DYNLRB1: variants seen among roughly 807,000 people sequenced by gnomAD.
The protein encoded by DYNLRB1 is ROBL/LC7-like 1.
In DYNLRB1, 6 loss-of-function variants were observed where a neutral mutation model predicts 13.5. The ratio of observed to expected loss-of-function variants is 0.44; its 90% CI spans 0.24 to 0.88. The LOEUF is 0.88. Ranked by LOEUF, DYNLRB1 falls within the 40% of genes least tolerant of loss-of-function variation. The pLI, the probability that DYNLRB1 is intolerant of heterozygous loss-of-function variation, is 0.21. For missense variants in DYNLRB1, 93 were observed against 127.2 expected, an observed-to-expected ratio of 0.73 and a Z score of 1.29; for synonymous variants, 43 against 45.0, an observed-to-expected ratio of 0.96 and a Z score of 0.18.
intron 1 of DYNLRB1, among the ~76,000 whole-genome samples, chr20:34,519,649 G>A (rs767521240): frequency 6.6e-6 from 1 of 151,970 alleles, no homozygotes; most frequent in Admixed American, 6.6e-5. Context: ...GGTCTGTATC[G>A]TATCCTAGTC....
At chr20:34,520,164 T>C (rs375782079) in intron 1 of DYNLRB1, among the ~76,000 whole-genome samples, 3 of 152,108 alleles carry the variant, frequency 2.0e-5, no homozygotes, top group African/African-American at 7.2e-5. Context: ...TAATCACATA[T>C]AATTCTCCTC....
At position 34,540,669 on chromosome 20, in the gene DYNLRB1, C is replaced by T; in HGVS notation, c.*45C>T. The stretch of plus-strand genomic sequence containing the variant: ...GTGTCATTCCTTAATTTAATGCCCC[C>T]CAAGAATGTTAATGTCAATCATGTC... On this transcript the variant is annotated 3_prime_UTR_variant, in exon 4 of 4. Transcript: ENST00000357156. 2 of 1,591,248 alleles carry T rather than the reference C, an allele frequency of 1.3e-6. No individual in the cohort carries two copies. Among genetic ancestry groups the T allele is most frequent in the Non-Finnish European group, 1.7e-6 (2 of 1,160,848 alleles).
chr20:34,534,133 A>G (rs550884759), intron 2 of DYNLRB1, among the ~76,000 whole-genome samples: 30 of 152,378 alleles, frequency 2.0e-4, no homozygotes, highest in Non-Finnish European at 3.1e-4. Flanking sequence ...CCGTCTCAAA[A>G]AAAAGAAATT....
At chr20:34,522,469 C>CTTTTTTTTTTTTTTTTTT (rs771811577) in intron 1 of DYNLRB1, among the ~76,000 whole-genome samples, 60 of 77,202 alleles carry the variant, frequency 7.8e-4, no homozygotes, top group African/African-American at 1.4e-3. Flanking sequence ...TTTTCTTTTT[C>CTTTTTTTTTTTTTTTTTT]TTTTTTTTTT....
Position 34,540,487 on chromosome 20 carries a change from T to G in DYNLRB1, c.248-94T>G, listed in dbSNP as rs191798389. On this transcript the variant is annotated intron_variant, in intron 3 of 3. Coordinates refer to ENST00000357156, the MANE Select transcript of DYNLRB1 (RefSeq NM_014183.4). ...TTTGTTGCTTTCTCCCCTTCCTCATTTTATGGTTAGTGATTTAATGGTTTA... is the reference window on the plus strand; with the variant it reads ...TTTGTTGCTTTCTCCCCTTCCTCATGTTATGGTTAGTGATTTAATGGTTTA... 2.2e-3 allele frequency: 2,697 copies of G among 1,207,562 alleles called. 6 individuals carry two copies. The highest frequency in any genetic ancestry group is 2.8e-3 in the Non-Finnish European group (2,414 of 848,734). 74.8% of individuals were successfully genotyped at this position (1,207,562 alleles called of 1,614,324 possible).
rs1980834932 is a variant in DYNLRB1 at position 34,533,056 on chromosome 20, T to C, written c.80-1572T>C. ...CCATGGATGGAGTCTTCTGCTCATA[T>C]GTCACAGGCAATTCACAGGCACCTG... On this transcript the variant is annotated intron_variant, in intron 2 of 3. Transcript: ENST00000357156. Among the ~76,000 whole-genome samples the C allele has an allele frequency of 2.6e-5, 4 of 152,330 alleles. No homozygotes were observed. The South Asian group carries it at 8.3e-4, about 32-fold the overall frequency.
At chr20:34,529,231 C>A (rs1271250943) in intron 2 of DYNLRB1, among the ~76,000 whole-genome samples, 1 of 152,224 alleles carries the variant, frequency 6.6e-6, no homozygotes, top group African/African-American at 2.4e-5. Context: ...AGAGGTCAGG[C>A]CATGCCCGGT....
At chr20:34,524,491 C>T (rs568973974) in intron 1 of DYNLRB1, among the ~76,000 whole-genome samples, 5 of 152,278 alleles carry the variant, frequency 3.3e-5, no homozygotes, top group African/African-American at 7.2e-5. Context: ...TCCAGGAGGG[C>T]GAGCAGGGTA....
intron 1 of DYNLRB1, among the ~76,000 whole-genome samples, chr20:34,524,683 C>G (rs1035196032): frequency 1.3e-5 from 2 of 152,114 alleles, no homozygotes; most frequent in Admixed American, 6.5e-5. Context: ...GTCATTGTAC[C>G]CAGGCTCCAG....
At chr20:34,529,475 T>C (rs981442466) in intron 2 of DYNLRB1, among the ~76,000 whole-genome samples, 3 of 152,182 alleles carry the variant, frequency 2.0e-5, no homozygotes, top group African/African-American at 7.2e-5. Context: ...ACGCCTGTAA[T>C]CTCAGCCCTT....
intron 1 of DYNLRB1, among the ~76,000 whole-genome samples, chr20:34,519,408 C>CATATACATATG (rs1979530141): frequency 6.6e-6 from 1 of 152,038 alleles, no homozygotes; most frequent in Non-Finnish European, 1.5e-5. Flanking sequence ...TATATGTTAA[C>CATATACATATG]TTTACTTTAA....
chr20:34,536,552 C>G lies in DYNLRB1; in HGVS notation c.247+1757C>G, dbSNP rs1283690259. 3.5e-6 allele frequency: 3 copies of G among 861,090 alleles called. No homozygotes were observed. In the Admixed American group the frequency reaches 1.9e-4, roughly 53 times the overall value. 53.3% of individuals were successfully genotyped at this position (861,090 alleles called of 1,614,324 possible). On this transcript the variant is annotated intron_variant, in intron 3 of 3. Coordinates refer to ENST00000357156, the MANE Select transcript of DYNLRB1 (RefSeq NM_014183.4). ...ACAAGGTCAGGAGTTCAAGACCAGC[C>G]TGACCAACATGGTGAAACCCCGTCT...
intron 3 of DYNLRB1, among the ~76,000 whole-genome samples, chr20:34,538,134 T>TC (rs1981313878): frequency 6.9e-6 from 1 of 145,194 alleles, no homozygotes; most frequent in African/African-American, 2.5e-5. Context: ...ATTTTTTTTT[T>TC]TTTTTTTTTT....
chr20:34,531,300 T>A (rs1034690283), intron 2 of DYNLRB1: 10 of 152,220 alleles, frequency 6.6e-5, no homozygotes, highest in Non-Finnish European at 1.5e-4. Context: ...AGCCCCAAGT[T>A]AGAAATCGTG....
intron 2 of DYNLRB1, among the ~76,000 whole-genome samples, chr20:34,532,229 A>G (rs1391582518): frequency 6.6e-6 from 1 of 152,232 alleles, no homozygotes; most frequent in African/African-American, 2.4e-5. Flanking sequence ...CTCTTGCTAA[A>G]CATTCTTAAA....
intron 3 of DYNLRB1, 29 bp downstream of exon 3, chr20:34,534,824 G>A (rs1322659839): frequency 1.9e-6 from 3 of 1,613,634 alleles, no homozygotes; most frequent in Non-Finnish European, 2.5e-6. Flanking sequence ...CCCCATGTAG[G>A]AACAGACCTC....
At chr20:34,519,085 G>GT (rs1359126352) in intron 1 of DYNLRB1, among the ~76,000 whole-genome samples, 1 of 151,224 alleles carries the variant, frequency 6.6e-6, no homozygotes, top group African/African-American at 2.4e-5. Flanking sequence ...TAGAGACAGG[G>GT]TTTTTTTTCT....
chr20:34,516,624 G>A (rs1009677010), intron 1 of DYNLRB1, 163 bp downstream of exon 1: 1 of 1,492,616 alleles, frequency 6.7e-7, no homozygotes, highest in Non-Finnish European at 8.9e-7. Context: ...GGAACCCGGC[G>A]GCGGAGGCCT....
intron 2 of DYNLRB1, among the ~76,000 whole-genome samples, chr20:34,532,033 C>T (rs1233942852): frequency 2.0e-5 from 3 of 152,106 alleles, no homozygotes; most frequent in East Asian, 1.9e-4. Context: ...AGCTAAGGGG[C>T]GGGTTCCCGG....
Sources: allele counts gnomAD v4.1 joint callset (sites outside exome capture counted in the v4.1 genomes callset), GRCh38; gene constraint gnomAD v4.1.1; transcripts MANE v1.5; gene names NCBI Gene and HGNC (gene_info 2026-07-23, HGNC 2026-07-21).